Variants in NPR2 observed in about 807,000 individuals in gnomAD.
NPR2 encodes natriuretic peptide receptor 2, also known as atrial natriuretic peptide receptor 2.
In NPR2, 49 loss-of-function variants were observed where a neutral mutation model predicts 120.7. The ratio of observed to expected loss-of-function variants is 0.41; its 90% confidence interval spans 0.32 to 0.52. NPR2 has a LOEUF of 0.52. NPR2 is among the 20% of genes least tolerant of loss of function. NPR2 has a pLI of 0.36. For missense variants in NPR2, 931 were observed against 1,362.9 expected, an observed-to-expected ratio of 0.68 and a Z score of 4.99; for synonymous variants, 484 against 519.8, an observed-to-expected ratio of 0.93 and a Z score of 0.94.
chr9:35,808,432 C>T lies in NPR2; in HGVS notation c.2713-77C>T. The stretch of plus-strand genomic sequence containing the variant: ...ATGTCAGGATGATTAATGATGGTGT[C>T]AAGCTTGTCTCCCTCTACTTTTTCC... On this transcript the variant is annotated intron_variant, in intron 18 of 21. Coordinates refer to ENST00000342694, the MANE Select transcript of NPR2 (RefSeq NM_003995.4). The surrounding 1 kb of genome is among the most constrained non-coding windows in gnomAD (Gnocchi z 4.0). 6.6e-7 allele frequency: 1 copy of T among 1,507,944 alleles called. No individual in the cohort carries two copies. Among genetic ancestry groups the T allele is most frequent in the Non-Finnish European group, 9.2e-7 (1 of 1,087,164 alleles). 93.4% of individuals were successfully genotyped at this position (1,507,944 alleles called of 1,614,324 possible).
Position 35,802,515 on chromosome 9 carries a change from C to G in NPR2, c.1723C>G (p.Gln575Glu). 6.3e-7 allele frequency: 1 copy of G among 1,584,390 alleles called. No homozygotes were observed. The highest frequency in any genetic ancestry group is 8.7e-7 in the Non-Finnish European group (1 of 1,152,932). Residue 575 changes from glutamine (Q) to glutamate (E), a missense_variant, in exon 11 of 22, where the codon CAG becomes GAG. By Grantham distance (29) the Gln-to-Glu change is conservative (BLOSUM62 2). This residue lies in a region of NPR2 where 681 missense variants were observed against 974.3 expected (regional missense o/e 0.70). Transcript: ENST00000342694. This position sits in a 1 kb window ranked among gnomAD's most constrained non-coding sequence, Gnocchi z 4.2. ...LFELKHMRDVQFNHLTRFIGA... is the reference protein window; with the variant it reads ...LFELKHMRDVEFNHLTRFIGA... ...TTTTTTCTGCCAGATGAGAGATGTTCAGTTCAACCATCTCACTCGCTTCAT... is the reference window on the plus strand; with the variant it reads ...TTTTTTCTGCCAGATGAGAGATGTTGAGTTCAACCATCTCACTCGCTTCAT...
Position 35,805,435 on chromosome 9 carries a change from C to A in NPR2, c.1888-76C>A. On this transcript the variant is annotated intron_variant, in intron 12 of 21. Coordinates refer to ENST00000342694, the MANE Select transcript of NPR2 (RefSeq NM_003995.4). The surrounding 1 kb of genome is among the most constrained non-coding windows in gnomAD (Gnocchi z 4.9). The stretch of plus-strand genomic sequence containing the variant: ...GACCCAAGATCTGTAGACAGCTAGC[C>A]AGTGCCCATCTCATGGAGAGAGGGT... 7.1e-7 allele frequency: 1 copy of A among 1,416,992 alleles called. No individual in the cohort carries two copies. The highest frequency in any genetic ancestry group is 1.7e-5 in the Admixed American group (1 of 59,732). The allele number at this position is 1,416,992 out of a possible 1,614,324, so 87.8% of individuals were successfully genotyped here.
intron 12 of NPR2, among the ~76,000 whole-genome samples, chr9:35,804,553 C>A (rs903969167): frequency 1.3e-5 from 2 of 152,294 alleles, no homozygotes; most frequent in East Asian, 3.9e-4. Flanking sequence ...TCTTTCAGCT[C>A]CTCGGAGGCA....
In NPR2 at chr9:35,805,854, T is replaced by A. The variant is rs755955756; in HGVS notation, c.2072T>A (p.Leu691Gln). The change falls in exon 14 of 22, where the codon CTG becomes CAG. Residue 691 changes from leucine to glutamine, a missense_variant. By Grantham distance (113) the Leu-to-Gln change is moderately radical. Coordinates refer to ENST00000342694, the MANE Select transcript of NPR2 (RefSeq NM_003995.4). This position sits in a 1 kb window ranked among gnomAD's most constrained non-coding sequence, Gnocchi z 4.9. ...GAGAAGCTGTGGACTGCCCCAGAAC[T>A]GCTCAGTGGGAACCCCTTGCCAACC... The part of the protein sequence containing the change: ...YAKKLWTAPE[L>Q]LSGNPLPTTG... 6.2e-7 allele frequency: 1 copy of A among 1,614,180 alleles called. No homozygotes were observed.
In NPR2 at chr9:35,801,941, G is replaced by A. The variant is rs1828182375; in HGVS notation, c.1573G>A (p.Gly525Ser). The change falls in exon 9 of 22, where the codon GGC becomes AGC. Residue 525 changes from glycine to serine, a missense_variant. Physicochemically the swap from Gly to Ser is moderately conservative, Grantham distance 56. Coordinates refer to ENST00000342694, the MANE Select transcript of NPR2 (RefSeq NM_003995.4). Reference sequence around the variant, plus strand: ...TTGGCCCCAGCGGGGATCCAGTTACGGCTCGCTCATGACAGCCCATGGGAA... The same window carrying A: ...TTGGCCCCAGCGGGGATCCAGTTACAGCTCGCTCATGACAGCCCATGGGAA... ...LTLSLRGSSY[G>S]SLMTAHGKYQ... 3.1e-6 allele frequency: 5 copies of A among 1,614,056 alleles called. No homozygotes were observed. Among genetic ancestry groups the A allele is most frequent in the Non-Finnish European group, 4.2e-6 (5 of 1,179,996 alleles).
At chr9:35,799,775 G>T in intron 3 of NPR2, 44 bp downstream of exon 3, 1 of 1,539,326 alleles carries the variant, frequency 6.5e-7, no homozygotes, top group Non-Finnish European at 9.0e-7. Flanking sequence ...CAAGCTTTGG[G>T]GAAGGGCTTC....
At position 35,805,377 on chromosome 9, in the gene NPR2, G is replaced by A; in HGVS notation, c.1888-134G>A. The A allele has an allele frequency of 1.1e-6, 1 of 874,280 alleles. No individual in the cohort carries two copies. The highest frequency in any genetic ancestry group is 1.9e-6 in the Non-Finnish European group (1 of 526,088). The allele number at this position is 874,280 out of a possible 1,614,324, so 54.2% of individuals were successfully genotyped here. ...GCTTCCTTGGGTGGAAACTGCAAAGGATGCCTTCCAAAATCAGCTTATTAT... is the reference window on the plus strand; with the variant it reads ...GCTTCCTTGGGTGGAAACTGCAAAGAATGCCTTCCAAAATCAGCTTATTAT... On this transcript the variant is annotated intron_variant, in intron 12 of 21. Coordinates refer to ENST00000342694, the MANE Select transcript of NPR2 (RefSeq NM_003995.4). This position sits in a 1 kb window ranked among gnomAD's most constrained non-coding sequence, Gnocchi z 4.9.
chr9:35,799,480 C>A (rs1244775556), intron 2 of NPR2, 138 bp from the exon 3 acceptor site: 3 of 703,104 alleles, frequency 4.3e-6, no homozygotes, highest in African/African-American at 3.5e-5. Flanking sequence ...AGGTTAGTAG[C>A]CCTTTCAAAG....
Position 35,802,120 on chromosome 9 carries a change from T to C in NPR2, c.1633-86T>C. The C allele has an allele frequency of 3.0e-6, 4 of 1,317,020 alleles. No individual in the cohort carries two copies. In the South Asian group the frequency reaches 3.5e-5, roughly 12 times the overall value. The allele number at this position is 1,317,020 out of a possible 1,614,324, so 81.6% of individuals were successfully genotyped here. ...GACTCTCTGTGCCCAGCTGAGCTCC[T>C]GGGTGCTTCCACTGCTCTCTAGCAT... On this transcript the variant is annotated intron_variant, in intron 9 of 21. Coordinates refer to ENST00000342694, the MANE Select transcript of NPR2 (RefSeq NM_003995.4). The surrounding 1 kb of genome is among the most constrained non-coding windows in gnomAD (Gnocchi z 4.2).
Position 35,801,662 on chromosome 9 carries a change from G to A in NPR2, c.1456G>A (p.Glu486Lys). The change falls in exon 8 of 22, where the codon GAG (glutamate) becomes AAG (lysine). Residue 486 changes from glutamate to lysine, a missense_variant. Glu to Lys is a moderately conservative substitution (Grantham distance 56). Coordinates refer to ENST00000342694, the MANE Select transcript of NPR2 (RefSeq NM_003995.4). Reference sequence around the variant, plus strand: ...TTACAGAAAGCTGATGCTGGAGAAGGAGCTGGCTAGCATGTTGTGGCGTAT... The same window carrying A: ...TTACAGAAAGCTGATGCTGGAGAAGAAGCTGGCTAGCATGTTGTGGCGTAT... ...LIFRKLMLEK[E>K]LASMLWRIRW... 1 of 1,614,154 alleles carries A rather than the reference G, an allele frequency of 6.2e-7. No individual in the cohort carries two copies. The highest frequency in any genetic ancestry group is 8.5e-7 in the Non-Finnish European group (1 of 1,179,976).
In NPR2 at chr9:35,800,906, T is replaced by C. The variant is rs1420881773; in HGVS notation, c.1351+65T>C. 6.2e-7 allele frequency: 1 copy of C among 1,603,770 alleles called. No homozygotes were observed. The highest frequency in any genetic ancestry group is 8.5e-7 in the Non-Finnish European group (1 of 1,170,776). ...TGCTTTCCATTCATGGCCTCCACCC[T>C]CACTGACCCTCCACTCTTAACTGTG... On this transcript the variant is annotated intron_variant, in intron 6 of 21. Coordinates refer to ENST00000342694, the MANE Select transcript of NPR2 (RefSeq NM_003995.4). This position sits in a 1 kb window ranked among gnomAD's most constrained non-coding sequence, Gnocchi z 4.7.
At position 35,792,472 on chromosome 9, in the gene NPR2, G is replaced by T. The variant is rs140014632; in HGVS notation, c.64G>T (p.Ala22Ser). The change falls in exon 1 of 22, where the codon GCG becomes TCG. Residue 22 changes from alanine to serine, a missense_variant. Ala to Ser is a moderately conservative substitution (Grantham distance 99, BLOSUM62 1). Around this residue, in one of 3 missense-constraint regions of NPR2, gnomAD observed 681 missense variants for 974.3 expected, o/e 0.70. Transcript: ENST00000342694. ...ALAGGVRPPG[A>S]RNLTLAVVLP... ...GGCAGGTGGGGTGCGTCCTCCCGGG[G>T]CGCGGAACCTGACGCTGGCGGTGGT... The T allele has an allele frequency of 2.6e-4, 424 of 1,610,908 alleles. 4 individuals carry two copies. In the African/African-American group the frequency reaches 5.1e-3, roughly 19 times the overall value.
chr9:35,793,207 C>A, intron 1 of NPR2, 132 bp downstream of exon 1: 2 of 983,164 alleles, frequency 2.0e-6, no homozygotes, highest in Non-Finnish European at 2.9e-6. Context: ...AAGAAGCACA[C>A]GTGGACAGAG....
chr9:35,793,818 C>A, intron 1 of NPR2, 80 bp from the exon 2 acceptor site: 2 of 1,381,846 alleles, frequency 1.4e-6, no homozygotes, highest in Non-Finnish European at 2.1e-6. Flanking sequence ...AGAGGGACAT[C>A]CCAGTGATTC....
rs778737241 is a variant in NPR2 at position 35,806,165 on chromosome 9, T to C, written c.2304T>C (p.Cys768=). Residue 768 remains cysteine, a synonymous_variant, in exon 15 of 22, where the codon TGT becomes TGC. Transcript: ENST00000342694. The surrounding 1 kb of genome is among the most constrained non-coding windows in gnomAD (Gnocchi z 4.6). The part of the protein sequence containing the change: ...NEELVLLMER[C]WAQDPAERPD... ...AGCTAGTTTTGCTGATGGAGCGATGTTGGGCTCAGGACCCAGCTGAGCGGC... is the reference window on the plus strand; with the variant it reads ...AGCTAGTTTTGCTGATGGAGCGATGCTGGGCTCAGGACCCAGCTGAGCGGC... The C allele has an allele frequency of 3.1e-6, 5 of 1,614,230 alleles. No homozygotes were observed. The South Asian group carries it at 4.4e-5, about 14-fold the overall frequency.
Position 35,800,024 on chromosome 9 carries a change from G to A in NPR2, c.990G>A (p.Met330Ile). 1 of 1,614,026 alleles carries A rather than the reference G, an allele frequency of 6.2e-7. No homozygotes were observed. Among genetic ancestry groups the A allele is most frequent in the Non-Finnish European group, 8.5e-7 (1 of 1,180,024 alleles). The change falls in exon 4 of 22, where the codon ATG becomes ATA. Residue 330 changes from methionine (M) to isoleucine (I), a missense_variant and splice_region_variant. Around this residue, in one of 3 missense-constraint regions of NPR2, gnomAD observed 681 missense variants for 974.3 expected, o/e 0.70. Transcript: ENST00000342694. This position sits in a 1 kb window ranked among gnomAD's most constrained non-coding sequence, Gnocchi z 4.7. Reference protein sequence around the residue: ...DFGVELGPSLMNLIAGCFYDG... With the variant: ...DFGVELGPSLINLIAGCFYDG... Reference sequence around the variant, plus strand: ...ACTGCTGAAGTTGCCACCCCCAGATGAACCTCATCGCTGGCTGCTTCTATG... The same window carrying A: ...ACTGCTGAAGTTGCCACCCCCAGATAAACCTCATCGCTGGCTGCTTCTATG...
At position 35,808,852 on chromosome 9, in the gene NPR2, A is replaced by G; in HGVS notation, c.2985A>G (p.Gln995=). Reference sequence around the variant, plus strand: ...CTTCTCGAATGGAGTCTAATGGTCAAGGTAAGACATTAGCCCTCAACCCCA... The same window carrying G: ...CTTCTCGAATGGAGTCTAATGGTCAGGGTAAGACATTAGCCCTCAACCCCA... The part of the protein sequence containing the change: ...NTASRMESNG[Q]ALKIHVSSTT... The change falls in exon 20 of 22, where the codon CAA becomes CAG. Residue 995 remains glutamine, a splice_region_variant and synonymous_variant. Coordinates refer to ENST00000342694, the MANE Select transcript of NPR2 (RefSeq NM_003995.4). This position sits in a 1 kb window ranked among gnomAD's most constrained non-coding sequence, Gnocchi z 4.0. 6.3e-7 allele frequency: 1 copy of G among 1,576,466 alleles called. No individual in the cohort carries two copies. The highest frequency in any genetic ancestry group is 8.7e-7 in the Non-Finnish European group (1 of 1,145,694).
In NPR2 at chr9:35,791,657, C is replaced by T. The variant is rs923226892; in HGVS notation, c.-752C>T. Among the ~76,000 whole-genome samples, 1 of 107,918 alleles carries T rather than the reference C, an allele frequency of 9.3e-6. No individual in the cohort carries two copies. The highest frequency in any genetic ancestry group is 1.4e-4 in the Admixed American group (1 of 7,110). The allele number at this position is 107,918 out of a possible 152,430, so 70.8% of individuals were successfully genotyped here. A position where few individuals can be genotyped will look rare whatever the true frequency, so the allele number is the denominator to read the frequency against. On this transcript the variant is annotated 5_prime_UTR_variant, in exon 1 of 22. The change creates a new upstream start codon in the 5' untranslated region. Coordinates refer to ENST00000342694, the MANE Select transcript of NPR2 (RefSeq NM_003995.4). ...CCGGGCCGAGGCGACCTGACCCGGA[C>T]GAGCGGCGCGCGCGGGGCCCAGGCG...
Position 35,808,085 on chromosome 9 carries a change from G to T in NPR2, c.2713-424G>T. The T allele has an allele frequency of 1.0e-6, 1 of 956,454 alleles. No individual in the cohort carries two copies. Among genetic ancestry groups the T allele is most frequent in the Non-Finnish European group, 1.7e-6 (1 of 592,612 alleles). 59.2% of individuals were successfully genotyped at this position (956,454 alleles called of 1,614,324 possible). Reference sequence around the variant, plus strand: ...GGCATTTATTCTCTTACATAGCTTTGGCACAATTACCAAAATCAAATGCCT... The same window carrying T: ...GGCATTTATTCTCTTACATAGCTTTTGCACAATTACCAAAATCAAATGCCT... On this transcript the variant is annotated intron_variant, in intron 18 of 21. Transcript: ENST00000342694. This position sits in a 1 kb window ranked among gnomAD's most constrained non-coding sequence, Gnocchi z 4.0.
Sources: gnomAD v4.1 joint callset for allele counts (sites outside exome capture counted in the v4.1 genomes callset) on GRCh38, gnomAD v4.1.1 for gene constraint, gnomAD v4.1.1 regional missense constraint, Gnocchi (gnomAD v3.1) non-coding constraint, MANE v1.5 for transcripts, NCBI Gene and HGNC (gene_info 2026-07-23, HGNC 2026-07-21) for gene names.